The following DACH1 variants were observed in gnomAD, a reference collection of about 807,000 sequenced individuals.
DACH1 encodes dachshund homolog 1.
A neutral mutation model predicts 54.2 loss-of-function variants in DACH1; 12 were observed. The ratio of observed to expected loss-of-function variants is 0.22; its 90% confidence interval spans 0.14 to 0.36. The LOEUF (loss-of-function observed/expected upper bound fraction) is 0.36. DACH1 is among the 10% of genes least tolerant of loss of function. DACH1 has a pLI of 1.00. For synonymous variants in DACH1, 386 were observed against 366.2 expected, an observed-to-expected ratio of 1.05 and a Z score of -0.62; for missense variants, 805 against 929.8, an observed-to-expected ratio of 0.87 and a Z score of 1.75.
chr13:71,577,042 C>T (rs1420224617), intron 3 of DACH1, among the ~76,000 whole-genome samples: 1 of 152,106 alleles, frequency 6.6e-6, no homozygotes, highest in African/African-American at 2.4e-5. Flanking sequence ...CAAGGGAATC[C>T]TTACTGAGGA....
At chr13:71,598,849 C>G (rs547101298) in intron 3 of DACH1, among the ~76,000 whole-genome samples, 9 of 152,264 alleles carry the variant, frequency 5.9e-5, no homozygotes, top group African/African-American at 2.2e-4. Context: ...GGGAAAGATA[C>G]TCTTGGGCAC....
chr13:71,506,137 CTTT>C lies in DACH1; in HGVS notation c.1571-16992_1571-16990del, dbSNP rs564522576. On this transcript the variant is annotated intron_variant, in intron 6 of 10. Coordinates refer to ENST00000613252, the MANE Select transcript of DACH1 (RefSeq NM_080759.6). ...AAACTCACATAAAGCTCTTAAGATT[CTTT>C]TTTTTTTTATTATACTTTAAGTTTT... 2.1e-5 allele frequency among the ~76,000 whole-genome samples: 3 copies of C among 145,060 alleles called. No individual in the cohort carries two copies. In the East Asian group the frequency reaches 6.0e-4, roughly 29 times the overall value.
At chr13:71,730,972 A>G (rs1883714314) in intron 1 of DACH1, among the ~76,000 whole-genome samples, 1 of 152,052 alleles carries the variant, frequency 6.6e-6, no homozygotes, top group Non-Finnish European at 1.5e-5. Context: ...TATATATTTT[A>G]ATTTATATTT....
chr13:71,820,008 T>C (rs1441472484), intron 1 of DACH1, among the ~76,000 whole-genome samples: 1 of 147,940 alleles, frequency 6.8e-6, no homozygotes, highest in Non-Finnish European at 1.5e-5. Flanking sequence ...GGCTCACTCC[T>C]GTAATCCCAC....
At chr13:71,543,275 C>T (rs1883251733) in intron 6 of DACH1, among the ~76,000 whole-genome samples, 1 of 152,068 alleles carries the variant, frequency 6.6e-6, no homozygotes, top group African/African-American at 2.4e-5. Flanking sequence ...GGAGGATACA[C>T]TGGAATCAGC....
intron 1 of DACH1, among the ~76,000 whole-genome samples, chr13:71,818,103 G>T (rs542035119): frequency 6.6e-6 from 1 of 152,096 alleles, no homozygotes; most frequent in South Asian, 2.1e-4. Context: ...GTGAGCCACC[G>T]CACCCAGCCA....
At position 71,790,345 on chromosome 13, in the gene DACH1, C is replaced by T. The variant is rs12161855; in HGVS notation, c.848+75577G>A. On this transcript the variant is annotated intron_variant, in intron 1 of 10. Coordinates refer to ENST00000613252, the MANE Select transcript of DACH1 (RefSeq NM_080759.6). ...AACTGAAGCATCTCTAGAAGTCCCA[C>T]TAAAACCCAGGAACCAATTCTAAAA... 1.6e-4 allele frequency among the ~76,000 whole-genome samples: 25 copies of T among 152,240 alleles called. No individual in the cohort carries two copies. The East Asian group carries it at 3.5e-3, about 21-fold the overall frequency.
chr13:71,605,276 A>G (rs1874789409), intron 3 of DACH1, among the ~76,000 whole-genome samples: 1 of 151,882 alleles, frequency 6.6e-6, no homozygotes, highest in South Asian at 2.1e-4. Flanking sequence ...ACTACTCAAC[A>G]TATTCTTCAT....
intron 6 of DACH1, among the ~76,000 whole-genome samples, chr13:71,492,683 C>T (rs1464284960): frequency 6.9e-6 from 1 of 144,654 alleles, no homozygotes. Flanking sequence ...CATTTTGTCA[C>T]TTTTTTTTTT....
At chr13:71,832,338 A>G (rs1037805773) in intron 1 of DACH1, among the ~76,000 whole-genome samples, 3 of 151,972 alleles carry the variant, frequency 2.0e-5, no homozygotes, top group African/African-American at 7.2e-5. Context: ...GTTCTCCCCA[A>G]TAGCAAAATA....
At chr13:71,732,566 C>G (rs1051833808) in intron 1 of DACH1, among the ~76,000 whole-genome samples, 1 of 137,628 alleles carries the variant, frequency 7.3e-6, no homozygotes, top group Non-Finnish European at 1.5e-5. Flanking sequence ...GCCTCGGTGA[C>G]AAGAGTGAGA....
intron 1 of DACH1, among the ~76,000 whole-genome samples, chr13:71,694,806 T>C (rs1299178517): frequency 1.3e-5 from 2 of 152,220 alleles, no homozygotes; most frequent in Non-Finnish European, 2.9e-5. Flanking sequence ...TTAAAAGCGT[T>C]GTTTAAACTG....
chr13:71,614,332 T>G (rs1011642652), intron 3 of DACH1, among the ~76,000 whole-genome samples: 1 of 152,154 alleles, frequency 6.6e-6, no homozygotes, highest in African/African-American at 2.4e-5. Context: ...TAAATATTAT[T>G]ATTCTGCAAG....
intron 1 of DACH1, among the ~76,000 whole-genome samples, chr13:71,690,219 T>C (rs574695149): frequency 6.6e-6 from 1 of 152,326 alleles, no homozygotes; most frequent in Non-Finnish European, 1.5e-5. Context: ...TGCTTTTCAA[T>C]GCAACTTAAA....
chr13:71,652,864 T>C (rs1006936848), intron 2 of DACH1, among the ~76,000 whole-genome samples: 3 of 152,092 alleles, frequency 2.0e-5, no homozygotes, highest in Non-Finnish European at 2.9e-5. Context: ...AATAAATAAA[T>C]AGCAACACTA....
intron 7 of DACH1, among the ~76,000 whole-genome samples, chr13:71,485,583 T>G (rs1878430554): frequency 7.3e-6 from 1 of 137,466 alleles, no homozygotes; most frequent in Non-Finnish European, 1.6e-5. Flanking sequence ...TTCTTTTTTT[T>G]TTTTTTTTTT....
chr13:71,701,243 CAT>C (rs1882124193), intron 1 of DACH1, among the ~76,000 whole-genome samples: 1 of 151,880 alleles, frequency 6.6e-6, no homozygotes, highest in South Asian at 2.1e-4. Flanking sequence ...AGTCAATAAA[CAT>C]AAATGGTTAT....
intron 1 of DACH1, among the ~76,000 whole-genome samples, chr13:71,782,712 T>G (rs924223952): frequency 1.3e-5 from 2 of 151,842 alleles, no homozygotes; most frequent in African/African-American, 4.8e-5. Context: ...TAAACCAGAG[T>G]TTTTACCTTC....
intron 2 of DACH1, among the ~76,000 whole-genome samples, chr13:71,643,783 A>T (rs531961968): frequency 6.6e-6 from 1 of 152,154 alleles, no homozygotes; most frequent in Non-Finnish European, 1.5e-5. Context: ...AAAAATATTA[A>T]ATTACAGCCA....
Sources: gnomAD v4.1 joint callset for allele counts (sites outside exome capture counted in the v4.1 genomes callset) on GRCh38, gnomAD v4.1.1 for gene constraint, MANE v1.5 for transcripts, NCBI Gene and HGNC (gene_info 2026-07-23, HGNC 2026-07-21) for gene names.